ZFHX3: variants seen among roughly 807,000 people sequenced by gnomAD.
ZFHX3 encodes zinc finger homeobox protein 3.
Under a neutral mutation model 279.1 loss-of-function variants are expected in ZFHX3, and 42 were observed. The observed-to-expected ratio is 0.15, with a 90% CI of 0.12 to 0.19. ZFHX3 has a LOEUF of 0.19. ZFHX3 is among the 10% of genes least tolerant of loss of function. The probability of loss-of-function intolerance (pLI) is 1.00; values close to 1 mark genes in which losing one functional copy is unlikely to be tolerated. For missense variants in ZFHX3, 4,981 were observed against 4,754.0 expected, an observed-to-expected ratio of 1.05 and a Z score of -1.40; for synonymous variants, 2,293 against 1,957.8, an observed-to-expected ratio of 1.17 and a Z score of -4.52.
chr16:73,437,447 G>A (rs1357449593), intron 3 of ZFHX3, among the ~76,000 whole-genome samples: 1 of 151,918 alleles, frequency 6.6e-6, no homozygotes, highest in East Asian at 1.9e-4. Flanking sequence ...TTATTGTGGT[G>A]GGAAATTGAA....
intron 1 of ZFHX3, among the ~76,000 whole-genome samples, chr16:73,854,851 T>C (rs1961683173): frequency 6.6e-6 from 1 of 151,836 alleles, no homozygotes. Context: ...TCTGGGTTTT[T>C]CAACTAGGTT....
intron 3 of ZFHX3, among the ~76,000 whole-genome samples, chr16:73,442,771 G>A (rs189865505): frequency 1.3e-5 from 2 of 152,160 alleles, no homozygotes; most frequent in African/African-American, 4.8e-5. Context: ...ATGAGCGCAG[G>A]ATCCAGGCAT....
At chr16:73,418,209 T>G (rs1165032065) in intron 3 of ZFHX3, among the ~76,000 whole-genome samples, 1 of 152,228 alleles carries the variant, frequency 6.6e-6, no homozygotes, top group Non-Finnish European at 1.5e-5. Flanking sequence ...ACAAGTTAGA[T>G]AAACTTCTGA....
rs527341875 is a variant in ZFHX3 at position 73,836,975 on chromosome 16, C to A, written c.-1608+54676G>T. Among the ~76,000 whole-genome samples the A allele has an allele frequency of 8.5e-5, 13 of 152,322 alleles. No homozygotes were observed. The South Asian group carries it at 2.7e-3, about 32-fold the overall frequency. ...CATGTTATAACGTGCAGCATGAGACCTTCACCAGAAGCTGAGCAGATGCTG... is the reference window on the plus strand; with the variant it reads ...CATGTTATAACGTGCAGCATGAGACATTCACCAGAAGCTGAGCAGATGCTG... On this transcript the variant is annotated intron_variant, in intron 1 of 17. Transcript: ENST00000641206.
intron 5 of ZFHX3, among the ~76,000 whole-genome samples, chr16:73,230,999 G>A (rs1158408969): frequency 6.6e-6 from 1 of 152,178 alleles, no homozygotes; most frequent in East Asian, 1.9e-4. Context: ...GAGACAGATA[G>A]GGCAATGGGA....
chr16:72,993,790 T>A (rs1433912431), intron 1 of ZFHX3, among the ~76,000 whole-genome samples: 2 of 152,154 alleles, frequency 1.3e-5, no homozygotes, highest in Non-Finnish European at 2.9e-5. Flanking sequence ...CTTTCCCACG[T>A]GGACCAGACT....
At chr16:73,375,413 G>A (rs568738763) in intron 3 of ZFHX3, among the ~76,000 whole-genome samples, 2 of 152,246 alleles carry the variant, frequency 1.3e-5, no homozygotes, top group African/African-American at 4.8e-5. Flanking sequence ...GGTCCTTTTA[G>A]TGAGAAGCAG....
At chr16:73,250,737 C>T (rs942830417) in intron 5 of ZFHX3, among the ~76,000 whole-genome samples, 1 of 151,968 alleles carries the variant, frequency 6.6e-6, no homozygotes, top group African/African-American at 2.4e-5. Flanking sequence ...GGTTTCACCG[C>T]GTTAGCCAGG....
At chr16:73,158,123 G>C (rs967967988) in intron 5 of ZFHX3, among the ~76,000 whole-genome samples, 3 of 152,192 alleles carry the variant, frequency 2.0e-5, no homozygotes, top group Non-Finnish European at 4.4e-5. Context: ...TATGTCCTAA[G>C]AATGGGACAC....
intron 1 of ZFHX3, among the ~76,000 whole-genome samples, chr16:73,017,719 G>A (rs1056697411): frequency 6.6e-6 from 1 of 151,964 alleles, no homozygotes; most frequent in Non-Finnish European, 1.5e-5. Context: ...CCAGAGAATT[G>A]TCCAACCATC....
At chr16:73,087,948 C>A (rs577246642) in intron 8 of ZFHX3, among the ~76,000 whole-genome samples, 1 of 152,120 alleles carries the variant, frequency 6.6e-6, no homozygotes, top group East Asian at 1.9e-4. Flanking sequence ...CCTGCCTCAG[C>A]CTCCTGAGTA....
chr16:73,463,656 T>A lies in ZFHX3; in HGVS notation c.-1546-7398A>T, dbSNP rs566841702. On this transcript the variant is annotated intron_variant, in intron 2 of 17. Transcript: ENST00000641206. ...CCCTCCCCCCACCTTCCTATCACCT[T>A]TTATACTATTGGAAAGTGAATCAGA... Among the ~76,000 whole-genome samples, 3 of 152,266 alleles carry A rather than the reference T, an allele frequency of 2.0e-5. No individual in the cohort carries two copies. In the South Asian group the frequency reaches 6.2e-4, roughly 32 times the overall value.
chr16:73,269,831 C>T (rs563022881), intron 4 of ZFHX3, among the ~76,000 whole-genome samples: 1 of 152,064 alleles, frequency 6.6e-6, no homozygotes, highest in Non-Finnish European at 1.5e-5. Context: ...TCACTGCAAC[C>T]TCTGCCCCCT....
intron 2 of ZFHX3, among the ~76,000 whole-genome samples, chr16:73,601,299 C>CAAAA (rs1217744713): frequency 5.0e-5 from 3 of 60,482 alleles, no homozygotes; most frequent in South Asian, 5.4e-4. Context: ...ACTAAAAATA[C>CAAAA]AAAAAAAAAA....
chr16:73,058,124 G>A (rs928579166), intron 1 of ZFHX3, among the ~76,000 whole-genome samples: 11 of 145,680 alleles, frequency 7.6e-5, no homozygotes, highest in Admixed American at 6.8e-4. Flanking sequence ...GGCCCTGCCT[G>A]GCGGCGCCTC....
In ZFHX3 at chr16:73,669,843, A is replaced by AT. The variant is rs535065910; in HGVS notation, c.-1547+10336dup. On this transcript the variant is annotated intron_variant, in intron 2 of 17. Transcript: ENST00000641206. ...AAACCCCAAACAGCTTTGCTGGGGT[A>AT]TTTTTTTTAAATCTCAGAAAATCAC... Among the ~76,000 whole-genome samples, 40 of 152,096 alleles carry AT rather than the reference A, an allele frequency of 2.6e-4. No individual in the cohort carries two copies. In the South Asian group the frequency reaches 6.4e-3, roughly 24 times the overall value.
At chr16:73,514,924 C>T (rs912786192) in intron 2 of ZFHX3, among the ~76,000 whole-genome samples, 10 of 152,304 alleles carry the variant, frequency 6.6e-5, no homozygotes, top group African/African-American at 2.2e-4. Flanking sequence ...CTCTCCCCCA[C>T]ATATGCGGTG....
At chr16:73,041,303 T>G (rs557900321) in intron 1 of ZFHX3, among the ~76,000 whole-genome samples, 2 of 152,184 alleles carry the variant, frequency 1.3e-5, no homozygotes, top group African/African-American at 4.8e-5. Context: ...TGACAGTCCT[T>G]TCCCACAAGG....
At chr16:73,455,861 G>A (rs565328625) in intron 3 of ZFHX3, 1 of 151,714 alleles carries the variant, frequency 6.6e-6, no homozygotes, top group African/African-American at 2.4e-5. Flanking sequence ...GGGTTGGTAC[G>A]CGCTCCCAGC....
Sources: allele counts gnomAD v4.1 joint callset (sites outside exome capture counted in the v4.1 genomes callset), GRCh38; gene constraint gnomAD v4.1.1; transcripts MANE v1.5; gene names NCBI Gene and HGNC (gene_info 2026-07-23, HGNC 2026-07-21).